NUAK1: variants seen among roughly 807,000 people sequenced by gnomAD.
NUAK1 encodes the protein NUAK family SNF1-like kinase 1.
A neutral mutation model predicts 56.9 loss-of-function variants in NUAK1; 26 were observed. The ratio of observed to expected loss-of-function variants is 0.46; its 90% confidence interval spans 0.33 to 0.63. NUAK1 has a LOEUF of 0.63. Among genes scored for constraint, NUAK1 ranks in the 30% least tolerant of loss-of-function variants. The pLI is 0.02. For synonymous variants in NUAK1, 337 were observed against 336.0 expected (o/e 1.00, Z -0.03); for missense variants, 727 against 876.1 (o/e 0.83, Z 2.15).
chr12:106,067,089 G>A lies in NUAK1; in HGVS notation c.1699C>T (p.Arg567Cys), dbSNP rs759029750. The A allele has an allele frequency of 3.1e-6, 5 of 1,614,110 alleles. No homozygotes were observed. The highest frequency in any genetic ancestry group is 2.2e-5 in the East Asian group (1 of 44,898). ...TCATCGCTGATGACACTGGAAGGGCGGCTGTAGCTCCGGGAGAGGCCCTCG... is the reference window on the plus strand; with the variant it reads ...TCATCGCTGATGACACTGGAAGGGCAGCTGTAGCTCCGGGAGAGGCCCTCG... The part of the protein sequence containing the change: ...PAEGLSRSYS[R>C]PSSVISDDSV... The change falls in exon 7 of 7, where the codon CGC becomes TGC. Residue 567 changes from arginine to cysteine, a missense_variant. Transcript: ENST00000261402. The surrounding 1 kb of genome is among the most constrained non-coding windows in gnomAD (Gnocchi z 6.0).
chr12:106,067,115 G>T lies in NUAK1; in HGVS notation c.1673C>A (p.Ala558Asp), dbSNP rs1488431371. 4 of 1,614,240 alleles carry T rather than the reference G, an allele frequency of 2.5e-6. No individual in the cohort carries two copies. The highest frequency in any genetic ancestry group is 2.5e-6 in the Non-Finnish European group (3 of 1,180,032). The change falls in exon 7 of 7, where the codon GCC becomes GAC. Residue 558 changes from alanine to aspartate, a missense_variant. Coordinates refer to ENST00000261402, the MANE Select transcript of NUAK1 (RefSeq NM_014840.3). The surrounding 1 kb of genome is among the most constrained non-coding windows in gnomAD (Gnocchi z 6.0). ...GCTGTAGCTCCGGGAGAGGCCCTCGGCAGGGACACCAGGCTCTGACAGGGA... is the reference window on the plus strand; with the variant it reads ...GCTGTAGCTCCGGGAGAGGCCCTCGTCAGGGACACCAGGCTCTGACAGGGA... ...LESLSEPGVP[A>D]EGLSRSYSRP...
intron 2 of NUAK1, among the ~76,000 whole-genome samples, chr12:106,095,593 T>A (rs2032689309): frequency 6.6e-6 from 1 of 152,114 alleles, no homozygotes; most frequent in Non-Finnish European, 1.5e-5. Context: ...CAGCAGCAAG[T>A]GTACGCAGAA....
chr12:106,097,025 A>G (rs923492685), intron 2 of NUAK1, among the ~76,000 whole-genome samples: 4 of 152,226 alleles, frequency 2.6e-5, no homozygotes, highest in Admixed American at 6.5e-5. Context: ...GCCAGAAAGG[A>G]CATCTCACTG....
chr12:106,073,920 C>A (rs1032725751), intron 4 of NUAK1, among the ~76,000 whole-genome samples: 5 of 152,080 alleles, frequency 3.3e-5, no homozygotes, highest in Non-Finnish European at 5.9e-5. Context: ...ACTCCACACA[C>A]CTTGGAGTCA....
intron 6 of NUAK1, 44 bp downstream of exon 6, chr12:106,070,730 C>G (rs780163580): frequency 6.2e-7 from 1 of 1,611,490 alleles, no homozygotes; most frequent in Non-Finnish European, 8.5e-7. Context: ...GTAAGCAGAT[C>G]TCTCTCCCCT....
rs1484026982 is a variant in NUAK1, at chr12:106,067,646, C to A, written c.1142G>T (p.Gly381Val). ...SKKENDFAQS[G>V]QDAVPESPSK... ...TGGGCTTTCAGGCACTGCATCCTGACCAGACTGAGCAAAGTCATTCTCTTT... is the reference window on the plus strand; with the variant it reads ...TGGGCTTTCAGGCACTGCATCCTGAACAGACTGAGCAAAGTCATTCTCTTT... Residue 381 changes from glycine to valine, a missense_variant, in exon 7 of 7, where the codon GGT (glycine) becomes GTT (valine). By Grantham distance (109) the Gly-to-Val change is moderately radical. Transcript: ENST00000261402. The surrounding 1 kb of genome is among the most constrained non-coding windows in gnomAD (Gnocchi z 6.0). 1 of 1,614,116 alleles carries A rather than the reference C, an allele frequency of 6.2e-7. No individual in the cohort carries two copies. Among genetic ancestry groups the A allele is most frequent in the Non-Finnish European group, 8.5e-7 (1 of 1,180,050 alleles).
intron 4 of NUAK1, among the ~76,000 whole-genome samples, chr12:106,079,311 T>A (rs530783763): frequency 4.6e-5 from 7 of 152,286 alleles, no homozygotes; most frequent in Admixed American, 3.9e-4. Context: ...GCCATCATCA[T>A]GCTCCTTACT....
intron 1 of NUAK1, among the ~76,000 whole-genome samples, chr12:106,117,654 C>T (rs1333121138): frequency 1.3e-5 from 2 of 152,216 alleles, no homozygotes; most frequent in Non-Finnish European, 2.9e-5. Context: ...AGCTTCATCC[C>T]ATTTCAGGGG....
intron 1 of NUAK1, among the ~76,000 whole-genome samples, chr12:106,136,305 T>C (rs1174248307): frequency 6.6e-6 from 1 of 152,154 alleles, no homozygotes; most frequent in Non-Finnish European, 1.5e-5. Flanking sequence ...GGCTGAACAA[T>C]AACACAGCGG....
At chr12:106,123,994 C>G (rs1014548904) in intron 1 of NUAK1, among the ~76,000 whole-genome samples, 6 of 152,168 alleles carry the variant, frequency 3.9e-5, no homozygotes, top group African/African-American at 1.4e-4. Flanking sequence ...CATTGTGGGG[C>G]TGAATGGAAT....
chr12:106,083,811 T>G, intron 4 of NUAK1, 53 bp downstream of exon 4: 15 of 1,524,252 alleles, frequency 9.8e-6, no homozygotes, highest in Non-Finnish European at 1.4e-5. Context: ...TAAGCCTCCA[T>G]CCGGCTGCAA....
At position 106,067,979 on chromosome 12, in the gene NUAK1, A is replaced by G. The variant is rs1330332118; in HGVS notation, c.833-24T>C. 6.4e-7 allele frequency: 1 copy of G among 1,572,820 alleles called. No homozygotes were observed. The highest frequency in any genetic ancestry group is 8.6e-7 in the Non-Finnish European group (1 of 1,157,784). On this transcript the variant is annotated intron_variant, in intron 6 of 6. Transcript: ENST00000261402. This position sits in a 1 kb window ranked among gnomAD's most constrained non-coding sequence, Gnocchi z 6.0. ...ATCTAAGGGACAAGGGACAAAAAGA[A>G]TCGGGCATTATGTGGGAGCTTCTGG...
Position 106,067,459 on chromosome 12 carries a change from T to A in NUAK1, c.1329A>T (p.Pro443=). 6.2e-7 allele frequency: 1 copy of A among 1,614,160 alleles called. No individual in the cohort carries two copies. The highest frequency in any genetic ancestry group is 1.1e-5 in the South Asian group (1 of 91,072). Residue 443 remains proline (P), a synonymous_variant, in exon 7 of 7, where the codon CCA becomes CCT. Transcript: ENST00000261402. This position sits in a 1 kb window ranked among gnomAD's most constrained non-coding sequence, Gnocchi z 6.0. ...CCGGCACCTCTGCCTCTGGTGAGCT[T>A]GGGAGGAGCACGCCAGTCCTGCACA... ...QDLCRTGVLL[P]SSPEAEVPGK...
Position 106,138,171 on chromosome 12 carries a change from A to T in NUAK1, c.240+243T>A, listed in dbSNP as rs971447899. Among the ~76,000 whole-genome samples the T allele has an allele frequency of 1.3e-5, 2 of 152,228 alleles. No individual in the cohort carries two copies. The highest frequency in any genetic ancestry group is 4.8e-5 in the African/African-American group (2 of 41,456). ...CCTTTGCTGCTAGGATTAAATTTTT[A>T]AAAACAAACCAAAAAATAAAATAAA... On this transcript the variant is annotated intron_variant, in intron 1 of 6. Coordinates refer to ENST00000261402, the MANE Select transcript of NUAK1 (RefSeq NM_014840.3). The surrounding 1 kb of genome is among the most constrained non-coding windows in gnomAD (Gnocchi z 5.0).
intron 3 of NUAK1, among the ~76,000 whole-genome samples, chr12:106,084,513 G>A (rs774855617): frequency 6.6e-6 from 1 of 152,354 alleles, no homozygotes; most frequent in Non-Finnish European, 1.5e-5. Context: ...ACTCAGGGCT[G>A]GGTGAAAGAT....
intron 4 of NUAK1, among the ~76,000 whole-genome samples, chr12:106,081,824 T>C (rs1383070522): frequency 6.6e-6 from 1 of 152,190 alleles, no homozygotes; most frequent in East Asian, 1.9e-4. Flanking sequence ...ATTCCAGGCC[T>C]TGTAAAGATG....
chr12:106,080,431 G>A (rs764203899), intron 4 of NUAK1, among the ~76,000 whole-genome samples: 14 of 152,278 alleles, frequency 9.2e-5, no homozygotes, highest in South Asian at 6.2e-4. Context: ...AATTTGGCCC[G>A]TTTTTTATTA....
intron 1 of NUAK1, among the ~76,000 whole-genome samples, chr12:106,112,217 C>T (rs2032866770): frequency 6.6e-6 from 1 of 152,168 alleles, no homozygotes; most frequent in Non-Finnish European, 1.5e-5. Context: ...GAGCTGGCAA[C>T]TTCCCTGCCA....
rs1303233047 is a variant in NUAK1 at position 106,063,745 on chromosome 12, T to C, written c.*3057A>G. On this transcript the variant is annotated 3_prime_UTR_variant, in exon 7 of 7. Coordinates refer to ENST00000261402, the MANE Select transcript of NUAK1 (RefSeq NM_014840.3). ...TTTTTTTCTTCTAGGAATGATACCA[T>C]GCCAGTAAATCCCTACAGAACATTT... 1 of 152,130 alleles carries C rather than the reference T, an allele frequency of 6.6e-6. No individual in the cohort carries two copies. Among genetic ancestry groups the C allele is most frequent in the African/African-American group, 2.4e-5 (1 of 41,252 alleles). 9.4% of individuals were successfully genotyped at this position (152,130 alleles called of 1,614,324 possible).
Sources: gnomAD v4.1 joint callset for allele counts (sites outside exome capture counted in the v4.1 genomes callset) on GRCh38, gnomAD v4.1.1 for gene constraint, Gnocchi (gnomAD v3.1) non-coding constraint, MANE v1.5 for transcripts, NCBI Gene and HGNC (gene_info 2026-07-23, HGNC 2026-07-21) for gene names.